Variants in FAM107B observed in about 807,000 individuals in gnomAD.
FAM107B encodes the protein protein FAM107B.
A neutral mutation model predicts 31.5 loss-of-function variants in FAM107B; 21 were observed. The observed-to-expected ratio is 0.67, with a 90% confidence interval of 0.47 to 0.96. The LOEUF (loss-of-function observed/expected upper bound fraction) is 0.96, where lower values mean the gene tolerates loss of function less well. Among genes scored for constraint, FAM107B ranks in the 40% least tolerant of loss-of-function variants. FAM107B has a pLI of 0.00. For missense variants in FAM107B, 452 were observed against 377.1 expected (o/e 1.20, Z -1.64); for synonymous variants, 157 against 141.5 (o/e 1.11, Z -0.78).
intron 2 of FAM107B, among the ~76,000 whole-genome samples, chr10:14,552,064 G>A (rs1195744612): frequency 6.6e-6 from 1 of 152,174 alleles, no homozygotes; most frequent in Non-Finnish European, 1.5e-5. Flanking sequence ...AAAGAAAAAT[G>A]ACAGCCTTAG....
chr10:14,629,967 G>A (rs1236079062), intron 2 of FAM107B, among the ~76,000 whole-genome samples: 1 of 152,010 alleles, frequency 6.6e-6, no homozygotes, highest in Admixed American at 6.6e-5. Context: ...CTTTCAACTT[G>A]AGATACATGA....
At chr10:14,730,507 G>C (rs1353598416) in intron 1 of FAM107B, among the ~76,000 whole-genome samples, 1 of 152,238 alleles carries the variant, frequency 6.6e-6, no homozygotes, top group African/African-American at 2.4e-5. Context: ...TGATGTGTCT[G>C]GGGAACCAGC....
chr10:14,595,603 T>A (rs1363066513), intron 2 of FAM107B, among the ~76,000 whole-genome samples: 2 of 151,950 alleles, frequency 1.3e-5, no homozygotes, highest in African/African-American at 2.4e-5. Flanking sequence ...TTTTTATAAT[T>A]TTAGTAGAGA....
chr10:14,582,581 G>A (rs1489068053), intron 2 of FAM107B, among the ~76,000 whole-genome samples: 2 of 151,600 alleles, frequency 1.3e-5, no homozygotes, highest in Non-Finnish European at 2.9e-5. Context: ...GTTTCACCAT[G>A]TTAACCAGGA....
intron 2 of FAM107B, chr10:14,548,468 C>G (rs1160658338): frequency 1.0e-6 from 1 of 985,760 alleles, no homozygotes; most frequent in Non-Finnish European, 1.2e-6. Context: ...AAGCGCAGGG[C>G]TCCTCTGCAG....
At chr10:14,618,756 G>A (rs561427048) in intron 2 of FAM107B, among the ~76,000 whole-genome samples, 85 of 152,196 alleles carry the variant, frequency 5.6e-4, no homozygotes, top group African/African-American at 2.0e-3. Context: ...AGAGTCGCTT[G>A]AACCCGGGAG....
At chr10:14,762,474 GTGAC>G (rs1833069661) in intron 1 of FAM107B, among the ~76,000 whole-genome samples, 1 of 152,130 alleles carries the variant, frequency 6.6e-6, no homozygotes, top group African/African-American at 2.4e-5. Flanking sequence ...TTCAAGAGAC[GTGAC>G]TGACCGGCAT....
Position 14,745,994 on chromosome 10 carries a change from G to GTA in FAM107B, c.411+28257_411+28258dup, listed in dbSNP as rs141375789. ...GAATCTGGGTGCTCCTGTATTGAGT[G>GTA]TATATATATATATGATAGCTCTTCT... On this transcript the variant is annotated intron_variant, in intron 1 of 4. Coordinates refer to ENST00000181796, the MANE Select transcript of FAM107B (RefSeq NM_031453.4). Among the ~76,000 whole-genome samples, 497 of 151,500 alleles carry GTA rather than the reference G, an allele frequency of 3.3e-3. 1 individual carries two copies. Among genetic ancestry groups the GTA allele is most frequent in the African/African-American group, 9.9e-3 (410 of 41,368 alleles).
chr10:14,553,796 G>T (rs1310283274), intron 2 of FAM107B, among the ~76,000 whole-genome samples: 2 of 152,080 alleles, frequency 1.3e-5, no homozygotes, highest in Admixed American at 6.6e-5. Context: ...CTTTGAGCTG[G>T]GCAGTCCTAA....
At position 14,722,456 on chromosome 10, in the gene FAM107B, G is replaced by T. The variant is rs1484730882; in HGVS notation, c.411+51797C>A. Among the ~76,000 whole-genome samples, 5 of 152,178 alleles carry T rather than the reference G, an allele frequency of 3.3e-5. No individual in the cohort carries two copies. In the East Asian group the frequency reaches 9.6e-4, roughly 29 times the overall value. On this transcript the variant is annotated intron_variant, in intron 1 of 4. Transcript: ENST00000181796. ...CCATATATCAGTTGATGGCTATTGG[G>T]TTGTTCCCTGCATCCTTGTCAACAT...
chr10:14,719,316 C>T (rs1267778930), intron 1 of FAM107B, among the ~76,000 whole-genome samples: 1 of 152,150 alleles, frequency 6.6e-6, no homozygotes, highest in Non-Finnish European at 1.5e-5. Context: ...ACTTCATTGG[C>T]CTGTCCTCGG....
chr10:14,735,352 C>T (rs1184726448), intron 1 of FAM107B, among the ~76,000 whole-genome samples: 1 of 151,996 alleles, frequency 6.6e-6, no homozygotes, highest in African/African-American at 2.4e-5. Context: ...TGGCCCAAGA[C>T]AATTCTTCTC....
At chr10:14,721,136 T>C (rs1452200011) in intron 1 of FAM107B, among the ~76,000 whole-genome samples, 1 of 152,154 alleles carries the variant, frequency 6.6e-6, no homozygotes, top group African/African-American at 2.4e-5. Flanking sequence ...AGAATGATGG[T>C]TTCCAGCTTC....
chr10:14,759,029 T>C (rs1338761925), intron 1 of FAM107B, among the ~76,000 whole-genome samples: 1 of 151,232 alleles, frequency 6.6e-6, no homozygotes, highest in East Asian at 1.9e-4. Context: ...AAATACAAAA[T>C]TAGCCAGGTG....
chr10:14,703,423 G>A lies in FAM107B; in HGVS notation c.412-35732C>T, dbSNP rs183110150. 4.4e-4 allele frequency among the ~76,000 whole-genome samples: 65 copies of A among 149,328 alleles called. 2 individuals are homozygous for A. In the East Asian group the frequency reaches 8.1e-3, roughly 19 times the overall value. On this transcript the variant is annotated intron_variant, in intron 1 of 4. Transcript: ENST00000181796. ...GTGATCCCGGCTCACTGCAACCTCC[G>A]CCTCTGGGTTCAAGCAATTCTGGTG...
chr10:14,686,733 A>G (rs1854998112), intron 1 of FAM107B, among the ~76,000 whole-genome samples: 1 of 152,200 alleles, frequency 6.6e-6, no homozygotes, highest in African/African-American at 2.4e-5. Flanking sequence ...ACTATGCACA[A>G]GGTGCCCAAA....
At chr10:14,664,859 C>G (rs1292052004) in intron 2 of FAM107B, among the ~76,000 whole-genome samples, 1 of 152,134 alleles carries the variant, frequency 6.6e-6, no homozygotes, top group Non-Finnish European at 1.5e-5. Flanking sequence ...TTACACCTAA[C>G]AGGATTTTAA....
chr10:14,726,765 G>A (rs1240798167), intron 1 of FAM107B, among the ~76,000 whole-genome samples: 2 of 152,000 alleles, frequency 1.3e-5, no homozygotes, highest in African/African-American at 4.8e-5. Flanking sequence ...TAAACCAGAG[G>A]TCCCCAATCT....
intron 1 of FAM107B, among the ~76,000 whole-genome samples, chr10:14,727,573 G>C (rs979653777): frequency 2.6e-5 from 4 of 152,218 alleles, no homozygotes; most frequent in African/African-American, 9.7e-5. Context: ...GGGAATTGGT[G>C]TATAAATACC....
Sources: gnomAD v4.1 joint callset for allele counts (sites outside exome capture counted in the v4.1 genomes callset) on GRCh38, gnomAD v4.1.1 for gene constraint, MANE v1.5 for transcripts, NCBI Gene and HGNC (gene_info 2026-07-23, HGNC 2026-07-21) for gene names.